HEATR1: variants seen among roughly 807,000 people sequenced by gnomAD.
The protein encoded by HEATR1 is HEAT repeat containing 1.
A neutral mutation model predicts 248.2 loss-of-function variants in HEATR1; 77 were observed. The observed-to-expected ratio is 0.31, with a 90% CI of 0.26 to 0.37. The LOEUF (loss-of-function observed/expected upper bound fraction) is 0.37. Among genes scored for constraint, HEATR1 ranks in the 10% least tolerant of loss-of-function variants. The pLI is 1.00. For missense variants in HEATR1, 2,420 were observed against 2,504.9 expected, an observed-to-expected ratio of 0.97 and a Z score of 0.72; for synonymous variants, 897 against 923.1, an observed-to-expected ratio of 0.97 and a Z score of 0.51.
intron 3 of HEATR1, among the ~76,000 whole-genome samples, chr1:236,601,830 TA>T (rs1294268268): frequency 6.9e-6 from 1 of 144,658 alleles, no homozygotes; most frequent in East Asian, 2.1e-4. Context: ...TGACACTCAA[TA>T]AAATAAAAAT....
intron 5 of HEATR1, 131 bp from the exon 6 acceptor site, chr1:236,597,107 AAAGC>A: frequency 1.7e-6 from 1 of 604,052 alleles, no homozygotes; most frequent in Non-Finnish European, 2.6e-6. Flanking sequence ...CCTGGGCGAC[AAAGC>A]AAGTCCATGT....
chr1:236,597,699 TA>T (rs5781901), intron 5 of HEATR1, among the ~76,000 whole-genome samples, 178 bp downstream of exon 5: 104,684 of 146,212 alleles, frequency 0.72, 37,280 homozygotes, highest in Admixed American at 0.76. Context: ...GACTGATTCT[TA>T]AAAAAAAAAA....
At position 236,576,806 on chromosome 1, in the gene HEATR1, T is replaced by G. The variant is rs1352026682; in HGVS notation, c.2899A>C (p.Thr967Pro). The change falls in exon 21 of 45, where the codon ACT becomes CCT. Residue 967 changes from threonine to proline, a missense_variant. Physicochemically the swap from Thr to Pro is conservative, Grantham distance 38. Coordinates refer to ENST00000366582, the MANE Select transcript of HEATR1 (RefSeq NM_018072.6). ...TGAATAACATAGGCAGCATCTGAAGTGATCTCCTCTGCTTTAGAAATCAAA... is the reference window on the plus strand; with the variant it reads ...TGAATAACATAGGCAGCATCTGAAGGGATCTCCTCTGCTTTAGAAATCAAA... ...DHLISKAEEITSDAAYVIQDL... is the reference protein window; with the variant it reads ...DHLISKAEEIPSDAAYVIQDL... 1 of 1,613,532 alleles carries G rather than the reference T, an allele frequency of 6.2e-7. No homozygotes were observed. Among genetic ancestry groups the G allele is most frequent in the Admixed American group, 1.7e-5 (1 of 59,898 alleles).
Position 236,550,997 on chromosome 1 carries a change from A to AAC in HEATR1, c.6347-8_6347-7insGT. 1 of 1,552,092 alleles carries AAC rather than the reference A, an allele frequency of 6.4e-7. No homozygotes were observed. Among genetic ancestry groups the AAC allele is most frequent in the Non-Finnish European group, 8.6e-7 (1 of 1,156,708 alleles). On this transcript the variant is annotated splice_polypyrimidine_tract_variant and splice_region_variant and intron_variant, in intron 44 of 44. Transcript: ENST00000366582. Reference sequence around the variant, plus strand: ...TCTACTTCTTCACATTCATCTAAAAAAAAAAAAAAAAAATCAAAATTAAAA... The same window carrying AAC: ...TCTACTTCTTCACATTCATCTAAAAAACAAAAAAAAAAAAATCAAAATTAAAA...
rs1450099677 is a variant in HEATR1, at chr1:236,558,483, T to C, written c.4958A>G (p.Gln1653Arg). 4.3e-6 allele frequency: 7 copies of C among 1,614,080 alleles called. No homozygotes were observed. The highest frequency in any genetic ancestry group is 1.3e-5 in the African/African-American group (1 of 74,938). ...KLVPDLLAIV[Q>R]RKKKEGEEEQ... ...TTCTTCCCCTTCCTTTTTCTTACGC[T>C]GCACAATGGCCAAAAGGTCTGGAAC... Residue 1653 changes from glutamine to arginine, a missense_variant, in exon 36 of 45, where the codon CAG (glutamine) becomes CGG (arginine). Gln to Arg is a conservative substitution (Grantham distance 43). Coordinates refer to ENST00000366582, the MANE Select transcript of HEATR1 (RefSeq NM_018072.6).
chr1:236,563,209 T>A (rs971113011), intron 32 of HEATR1, among the ~76,000 whole-genome samples: 4 of 152,218 alleles, frequency 2.6e-5, no homozygotes, highest in African/African-American at 9.6e-5. Context: ...AAGCTTCAGA[T>A]TGTCACCTTT....
At chr1:236,571,263 T>C in intron 28 of HEATR1, 88 bp downstream of exon 28, 1 of 1,456,228 alleles carries the variant, frequency 6.9e-7, no homozygotes, top group Non-Finnish European at 9.2e-7. Context: ...CCTAATTGAT[T>C]AAATTTAAAA....
rs1663561690 is a variant in HEATR1 at position 236,576,351 on chromosome 1, T to C, written c.2952A>G (p.Leu984=). 4 of 1,597,148 alleles carry C rather than the reference T, an allele frequency of 2.5e-6. No homozygotes were observed. Among genetic ancestry groups the C allele is most frequent in the South Asian group, 2.3e-5 (2 of 87,094 alleles). Residue 984 remains leucine, a synonymous_variant, in exon 22 of 45, where the codon CTA becomes CTG. Coordinates refer to ENST00000366582, the MANE Select transcript of HEATR1 (RefSeq NM_018072.6). ...IQDLATLFEE[L]QREKKLKSHQ... ...GAGATTTCAGTTTCTTTTCTCTCTG[T>C]AGTTCCTCAAATAAAGTAGCCAAAT... is the stretch of plus-strand genomic sequence containing the variant.
At chr1:236,566,591 TA>T in intron 30 of HEATR1, 54 bp downstream of exon 30, 1 of 1,297,484 alleles carries the variant, frequency 7.7e-7, no homozygotes, top group South Asian at 1.3e-5. Context: ...GACAATATCA[TA>T]AAATCTGTGT....
At chr1:236,592,413 A>G (rs868042711) in intron 10 of HEATR1, 110 bp downstream of exon 10, 1 of 624,850 alleles carries the variant, frequency 1.6e-6, no homozygotes, top group South Asian at 1.9e-5. Flanking sequence ...GAACAAATTT[A>G]AAAAGGACAG....
Position 236,603,140 on chromosome 1 carries a change from T to G in HEATR1, c.359+20A>C. 1 of 1,573,902 alleles carries G rather than the reference T, an allele frequency of 6.4e-7. No individual in the cohort carries two copies. Among genetic ancestry groups the G allele is most frequent in the Non-Finnish European group, 8.7e-7 (1 of 1,143,738 alleles). On this transcript the variant is annotated intron_variant, in intron 3 of 44. Coordinates refer to ENST00000366582, the MANE Select transcript of HEATR1 (RefSeq NM_018072.6). ...CCAAAGTGATTAACCCATAGTTATT[T>G]CTGTAATTCTATTAGCTACCTGTGA...
chr1:236,553,558 GT>G, intron 43 of HEATR1, 22 bp downstream of exon 43: 1 of 1,608,884 alleles, frequency 6.2e-7, no homozygotes, highest in Non-Finnish European at 8.5e-7. Context: ...TGCAGTTTCA[GT>G]ACTTGTCACG....
In HEATR1 at chr1:236,569,095, A is replaced by G; in HGVS notation, c.3978T>C (p.Ile1326=). The G allele has an allele frequency of 1.2e-6, 2 of 1,600,038 alleles. No homozygotes were observed. The highest frequency in any genetic ancestry group is 1.7e-6 in the Non-Finnish European group (2 of 1,173,652). ...PDKVLHNIMS[I]FTFMGANVMR... The stretch of plus-strand genomic sequence containing the variant: ...TGACATTGGCTCCCATAAATGTAAA[A>G]ATAGACATGATATTGTGTAAAACTT... Residue 1326 remains isoleucine, a synonymous_variant, in exon 29 of 45, where the codon ATT becomes ATC. Coordinates refer to ENST00000366582, the MANE Select transcript of HEATR1 (RefSeq NM_018072.6).
Position 236,595,329 on chromosome 1 carries a change from A to G in HEATR1, c.1090+211T>C, listed in dbSNP as rs1664148288. On this transcript the variant is annotated intron_variant, in intron 8 of 44. Transcript: ENST00000366582. ...AGAACACAGATCTTAAAAAAAGTAA[A>G]ATTCTAAGAAATTACTCAATTAACA... 3.3e-5 allele frequency among the ~76,000 whole-genome samples: 5 copies of G among 152,154 alleles called. No individual in the cohort carries two copies. In the South Asian group the frequency reaches 1.0e-3, roughly 31 times the overall value.
chr1:236,558,255 G>T lies in HEATR1; in HGVS notation c.5186C>A (p.Ala1729Asp). 6.2e-7 allele frequency: 1 copy of T among 1,612,636 alleles called. No individual in the cohort carries two copies. Among genetic ancestry groups the T allele is most frequent in the East Asian group, 2.2e-5 (1 of 44,866 alleles). Residue 1729 changes from alanine to aspartate, a missense_variant, in exon 36 of 45, where the codon GCC becomes GAC. By Grantham distance (126) the Ala-to-Asp change is moderately radical. Transcript: ENST00000366582. ...AEVTSTLEAL[A>D]IPQLPSLMPS... ...CGCATACCTGGGAAGCTGGGGGATG[G>T]CCAGCGCCTCCAGGGTGGAGGTCAC...
chr1:236,576,174 TTAGTA>T, intron 22 of HEATR1, 40 bp downstream of exon 22: 4 of 1,434,978 alleles, frequency 2.8e-6, no homozygotes, highest in Non-Finnish European at 3.7e-6. Context: ...CAACAATTCT[TTAGTA>T]ACATCACAGG....
chr1:236,558,879 A>G lies in HEATR1; in HGVS notation c.4911+116T>C, dbSNP rs577633766. On this transcript the variant is annotated intron_variant, in intron 35 of 44. Transcript: ENST00000366582. ...TAAAACATGTCATGGTATTATATTC[A>G]GAAAATAATATACTTCAATTTGAAA... is the stretch of plus-strand genomic sequence containing the variant. 2.7e-5 allele frequency: 24 copies of G among 885,736 alleles called. No individual in the cohort carries two copies. In the Admixed American group the frequency reaches 4.0e-4, roughly 15 times the overall value. The allele number at this position is 885,736 out of a possible 1,614,324, so 54.9% of individuals were successfully genotyped here. A position where few individuals can be genotyped will look rare whatever the true frequency, so the allele number is the denominator to read the frequency against.
chr1:236,590,999 A>C (rs1558190456), intron 11 of HEATR1, 45 bp from the exon 12 acceptor site: 1 of 989,734 alleles, frequency 1.0e-6, no homozygotes, highest in Non-Finnish European at 1.4e-6. Context: ...CTTAATCTGA[A>C]CAGTCTATGA....
At chr1:236,559,531 G>C (rs954474492) in intron 34 of HEATR1, among the ~76,000 whole-genome samples, 183 bp downstream of exon 34, 3 of 152,088 alleles carry the variant, frequency 2.0e-5, no homozygotes, top group African/African-American at 7.2e-5. Flanking sequence ...AACTGGTAAG[G>C]AAACAATTTT....
Sources: allele counts gnomAD v4.1 joint callset (sites outside exome capture counted in the v4.1 genomes callset), GRCh38; gene constraint gnomAD v4.1.1; transcripts MANE v1.5; gene names NCBI Gene and HGNC (gene_info 2026-07-23, HGNC 2026-07-21).